The following NREP variants were observed in gnomAD, a reference collection of about 807,000 sequenced individuals.
NREP encodes neuronal regeneration-related protein.
NREP carries 5 observed loss-of-function variants against 8.6 expected under a neutral mutation model. That is an observed-to-expected ratio of 0.58 (90% confidence interval 0.30 to 1.22). The LOEUF is 1.22. Ranked by LOEUF, NREP falls within the 50% of genes most tolerant of loss-of-function variation. The pLI is 0.07. For missense variants in NREP, 86 were observed against 82.5 expected, an observed-to-expected ratio of 1.04 and a Z score of -0.17; for synonymous variants, 27 against 28.0, an observed-to-expected ratio of 0.96 and a Z score of 0.11.
chr5:111,755,856 G>A, intron 1 of NREP, 26 bp from the exon 2 acceptor site: 1 of 1,612,406 alleles, frequency 6.2e-7, no homozygotes, highest in South Asian at 1.1e-5. Context: ...AAATACAGTA[G>A]ACACATCGCC....
chr5:111,901,038 C>T (rs1001528118), intron 2 of NREP, among the ~76,000 whole-genome samples: 27 of 152,040 alleles, frequency 1.8e-4, no homozygotes, highest in African/African-American at 3.6e-4. Flanking sequence ...CATCCAACAA[C>T]GTATCAAAAA....
At chr5:111,919,503 G>A (rs1291325145) in intron 2 of NREP, among the ~76,000 whole-genome samples, 1 of 152,040 alleles carries the variant, frequency 6.6e-6, no homozygotes, top group East Asian at 1.9e-4. Flanking sequence ...ACTGGATAAA[G>A]AAAATGTGGC....
chr5:111,881,335 T>A (rs188264882), intron 2 of NREP, among the ~76,000 whole-genome samples: 1 of 152,188 alleles, frequency 6.6e-6, no homozygotes, highest in East Asian at 1.9e-4. Context: ...AAGCTCCAAC[T>A]GGGTGGAGCC....
chr5:111,810,864 T>C (rs928592539), intron 2 of NREP, among the ~76,000 whole-genome samples: 7 of 152,220 alleles, frequency 4.6e-5, no homozygotes, highest in African/African-American at 1.7e-4. Flanking sequence ...ACAGGTAAGA[T>C]TGAATGTTAA....
chr5:111,900,217 T>A (rs1305460398), intron 2 of NREP, among the ~76,000 whole-genome samples: 1 of 151,770 alleles, frequency 6.6e-6, no homozygotes, highest in East Asian at 1.9e-4. Context: ...AGAGGAAATT[T>A]AAAAATATTA....
At position 111,798,734 on chromosome 5, in the gene NREP, G is replaced by GGT. The variant is rs571252142; in HGVS notation, c.136-63229_136-63228dup. 6.0e-3 allele frequency among the ~76,000 whole-genome samples: 808 copies of GGT among 135,676 alleles called. 2 individuals are homozygous for GGT. Among genetic ancestry groups the GGT allele is most frequent in the African/African-American group, 0.017 (591 of 35,624 alleles). 89.0% of individuals were successfully genotyped at this position (135,676 alleles called of 152,430 possible). A position where few individuals can be genotyped will look rare whatever the true frequency, so the allele number is the denominator to read the frequency against. On this transcript the variant is annotated intron_variant, in intron 2 of 3. Coordinates refer to the NREP transcript ENST00000395634. ...TTTTTATGGCTGAGTAGTATTCCAT[G>GGT]GTGTGTGTGTGTGTGTGTGTGTGTG...
At chr5:111,756,549 A>T (rs879081763) in intron 1 of NREP, among the ~76,000 whole-genome samples, 1 of 152,220 alleles carries the variant, frequency 6.6e-6, no homozygotes, top group South Asian at 2.1e-4. Flanking sequence ...ATGTTATTAT[A>T]GATACACATA....
chr5:111,845,414 C>A (rs781485140), intron 2 of NREP, among the ~76,000 whole-genome samples: 1 of 152,052 alleles, frequency 6.6e-6, no homozygotes, highest in African/African-American at 2.4e-5. Flanking sequence ...CTGGCAACTC[C>A]TATTCTGCCA....
chr5:111,777,386 C>T (rs895207567), intron 2 of NREP, among the ~76,000 whole-genome samples: 6 of 150,668 alleles, frequency 4.0e-5, no homozygotes, highest in African/African-American at 1.2e-4. Flanking sequence ...GTTTTAAGTA[C>T]GTATTTATTA....
At chr5:111,952,930 T>C (rs1204904894) in intron 2 of NREP, among the ~76,000 whole-genome samples, 1 of 152,108 alleles carries the variant, frequency 6.6e-6, no homozygotes, top group Non-Finnish European at 1.5e-5. Context: ...CTTGATACCT[T>C]GCTTGTACTG....
At chr5:111,902,191 A>G (rs1354387799) in intron 2 of NREP, among the ~76,000 whole-genome samples, 2 of 152,170 alleles carry the variant, frequency 1.3e-5, no homozygotes, top group South Asian at 2.1e-4. Flanking sequence ...AAGAACATAC[A>G]TTGGAGTAAG....
chr5:111,964,171 G>A (rs1218715930), intron 2 of NREP, among the ~76,000 whole-genome samples: 2 of 152,114 alleles, frequency 1.3e-5, no homozygotes, highest in South Asian at 2.1e-4. Flanking sequence ...CCCCAAGAAT[G>A]TATTTTCTAA....
chr5:111,907,257 T>C lies in NREP; in HGVS notation c.135+68017A>G, dbSNP rs74592760. On this transcript the variant is annotated intron_variant, in intron 2 of 3. Transcript: ENST00000395634. ...CTTTGATATTGTATTTAAAAACGTA[T>C]CTTCAAACCCAATGTCTCCTTGATT... is the stretch of plus-strand genomic sequence containing the variant. Among the ~76,000 whole-genome samples the C allele has an allele frequency of 9.0e-3, 1,364 of 152,244 alleles. 22 individuals carry two copies. Among genetic ancestry groups the C allele is most frequent in the African/African-American group, 0.031 (1,301 of 41,558 alleles).
At chr5:111,861,488 C>T (rs973509485) in intron 2 of NREP, among the ~76,000 whole-genome samples, 5 of 152,128 alleles carry the variant, frequency 3.3e-5, no homozygotes, top group African/African-American at 9.7e-5. Context: ...TCCAGTATTT[C>T]TTTCTGTGCT....
intron 2 of NREP, among the ~76,000 whole-genome samples, chr5:111,744,268 G>C (rs1749862170): frequency 6.6e-6 from 1 of 152,100 alleles, no homozygotes; most frequent in African/African-American, 2.4e-5. Flanking sequence ...GTCTTGCACT[G>C]TCCTGGTCAT....
intron 2 of NREP, among the ~76,000 whole-genome samples, chr5:111,861,935 G>C (rs750655301): frequency 3.8e-4 from 57 of 151,826 alleles, no homozygotes; most frequent in Admixed American, 8.5e-4. Context: ...GAAATGAAAT[G>C]GTGCATCTAC....
chr5:111,757,149 G>A lies in NREP; in HGVS notation c.-72C>T, dbSNP rs1036326107. ...GCATATACTTACAGACAAAAGCCCCGCTCCCTGTTCACTCTCTCTCCTCTC... is the reference window on the plus strand; with the variant it reads ...GCATATACTTACAGACAAAAGCCCCACTCCCTGTTCACTCTCTCTCCTCTC... On this transcript the variant is annotated 5_prime_UTR_variant, in exon 1 of 4. Transcript: ENST00000257435. 45 of 974,610 alleles carry A rather than the reference G, an allele frequency of 4.6e-5. No individual in the cohort carries two copies. Among genetic ancestry groups the A allele is most frequent in the Non-Finnish European group, 5.3e-5 (44 of 822,860 alleles). 60.4% of individuals were successfully genotyped at this position (974,610 alleles called of 1,614,324 possible).
intron 2 of NREP, among the ~76,000 whole-genome samples, chr5:111,903,941 C>T (rs773468571): frequency 2.0e-4 from 30 of 152,044 alleles, no homozygotes; most frequent in South Asian, 6.2e-4. Context: ...CAAAAGTTTT[C>T]GGTAACCTCA....
chr5:111,809,871 G>A (rs1369913919), intron 2 of NREP, among the ~76,000 whole-genome samples: 2 of 5,856 alleles, frequency 3.4e-4, no homozygotes, highest in East Asian at 2.3e-3. Context: ...GGACTTTGGC[G>A]TGTGTGTGTG....
Sources: gnomAD v4.1 joint callset for allele counts (sites outside exome capture counted in the v4.1 genomes callset) on GRCh38, gnomAD v4.1.1 for gene constraint, MANE v1.5 for transcripts, NCBI Gene and HGNC (gene_info 2026-07-23, HGNC 2026-07-21) for gene names.